Variants in CFAP221 observed in about 807,000 individuals in gnomAD.
CFAP221 encodes cilia- and flagella-associated protein 221.
Under a neutral mutation model 113.1 loss-of-function variants are expected in CFAP221, and 97 were observed. The observed-to-expected ratio is 0.86, with a 90% confidence interval of 0.73 to 1.02. The LOEUF (loss-of-function observed/expected upper bound fraction) is 1.02, where lower values mean the gene tolerates loss of function less well. Ranked by LOEUF, CFAP221 falls within the 50% of genes least tolerant of loss-of-function variation. The pLI is 0.00. For missense variants in CFAP221, 1,025 were observed against 1,013.4 expected (o/e 1.01, Z -0.16); for synonymous variants, 331 against 354.4 (o/e 0.93, Z 0.74).
intron 14 of CFAP221, among the ~76,000 whole-genome samples, chr2:119,619,933 T>G (rs1414615598): frequency 6.6e-6 from 1 of 151,952 alleles, no homozygotes; most frequent in Non-Finnish European, 1.5e-5. Flanking sequence ...CACGAGAACT[T>G]CATGAAGAAT....
At position 119,619,918 on chromosome 2, in the gene CFAP221, C is replaced by A. The variant is rs533811835; in HGVS notation, c.1410+4209C>A. Among the ~76,000 whole-genome samples, 8 of 152,138 alleles carry A rather than the reference C, an allele frequency of 5.3e-5. 1 individual carries two copies. The South Asian group carries it at 1.5e-3, about 28-fold the overall frequency. On this transcript the variant is annotated intron_variant, in intron 14 of 23. Coordinates refer to ENST00000413369, the MANE Select transcript of CFAP221 (RefSeq NM_001271049.2). ...TAAATAACCTGATAGAGCTGAAAAA[C>A]ACAGCACGAGAACTTCATGAAGAAT... is the stretch of plus-strand genomic sequence containing the variant.
intron 8 of CFAP221, 96 bp downstream of exon 8, chr2:119,601,473 T>G (rs1558949847): frequency 2.5e-6 from 3 of 1,181,828 alleles, no homozygotes; most frequent in Non-Finnish European, 3.4e-6. Flanking sequence ...TAAAAGAATG[T>G]CATCAAAAAC....
chr2:119,615,524 G>A, intron 13 of CFAP221, 87 bp from the exon 14 acceptor site: 1 of 959,628 alleles, frequency 1.0e-6, no homozygotes, highest in Non-Finnish European at 1.5e-6. Context: ...ACTTGATTTG[G>A]GATCAAACTC....
At chr2:119,574,809 C>G (rs1329953035) in intron 6 of CFAP221, among the ~76,000 whole-genome samples, 2 of 152,206 alleles carry the variant, frequency 1.3e-5, no homozygotes, top group Non-Finnish European at 2.9e-5. Context: ...CCAACCCATT[C>G]ACTGAACTGA....
chr2:119,556,316 G>A (rs1680794945), intron 3 of CFAP221: 6 of 152,136 alleles, frequency 3.9e-5, no homozygotes, highest in Admixed American at 3.9e-4. Context: ...TTAAGCAGAA[G>A]CTGAACGTTT....
At chr2:119,650,955 C>G (rs1273533924) in intron 22 of CFAP221, among the ~76,000 whole-genome samples, 1 of 152,182 alleles carries the variant, frequency 6.6e-6, no homozygotes, top group East Asian at 1.9e-4. Context: ...CTTTGATGAT[C>G]TTGGAAGCAT....
chr2:119,659,519 T>A (rs1260861684), downstream of CFAP221, among the ~76,000 whole-genome samples: 1 of 152,282 alleles, frequency 6.6e-6, no homozygotes, highest in East Asian at 1.9e-4. Flanking sequence ...TCCCAATCCA[T>A]CTCCATTCCG....
chr2:119,659,529 G>A (rs115886480), downstream of CFAP221, among the ~76,000 whole-genome samples: 2,258 of 150,852 alleles, frequency 0.015, no homozygotes, highest in African/African-American at 0.053. Flanking sequence ...TCTCCATTCC[G>A]CCATCTTGCT....
At chr2:119,561,407 C>G (rs77174886) in intron 5 of CFAP221, among the ~76,000 whole-genome samples, 1 of 152,168 alleles carries the variant, frequency 6.6e-6, no homozygotes, top group East Asian at 1.9e-4. Context: ...GGACACATTT[C>G]CTGTTACTAC....
chr2:119,608,278 ATGT>A (rs1684910008), intron 11 of CFAP221, among the ~76,000 whole-genome samples: 1 of 152,184 alleles, frequency 6.6e-6, no homozygotes, highest in Non-Finnish European at 1.5e-5. Context: ...GAGCATCCAG[ATGT>A]TGTTATTCAT....
intron 13 of CFAP221, among the ~76,000 whole-genome samples, chr2:119,614,328 T>A (rs1434245042): frequency 6.6e-6 from 1 of 152,240 alleles, no homozygotes; most frequent in Non-Finnish European, 1.5e-5. Flanking sequence ...CATTTTTGAG[T>A]ATTTTTATAG....
At chr2:119,646,828 A>T in intron 21 of CFAP221, 130 bp from the exon 22 acceptor site, 1 of 694,916 alleles carries the variant, frequency 1.4e-6, no homozygotes, top group Non-Finnish European at 2.2e-6. Context: ...ATGGCTTTTC[A>T]AGAGTGAGGG....
chr2:119,549,014 A>T, intron 2 of CFAP221, 71 bp from the exon 3 acceptor site: 2 of 1,042,264 alleles, frequency 1.9e-6, no homozygotes, highest in Non-Finnish European at 2.7e-6. Flanking sequence ...AAGCTATGTT[A>T]ATAAGGATCA....
chr2:119,571,133 C>CTTTTTTTT (rs34017847), intron 6 of CFAP221, among the ~76,000 whole-genome samples: 48 of 93,110 alleles, frequency 5.2e-4, no homozygotes, highest in Non-Finnish European at 7.5e-4. Flanking sequence ...TAACAACCCC[C>CTTTTTTTT]TTTTTTTTTT....
chr2:119,607,343 G>C (rs999954178), intron 11 of CFAP221, among the ~76,000 whole-genome samples: 5 of 152,128 alleles, frequency 3.3e-5, no homozygotes, highest in Admixed American at 6.5e-5. Context: ...CTGGGGTCCA[G>C]TCAAAGATCA....
At chr2:119,625,908 A>T in intron 15 of CFAP221, 1 of 537,272 alleles carries the variant, frequency 1.9e-6, no homozygotes, top group Non-Finnish European at 3.3e-6. Context: ...TGACTGGCTG[A>T]ATATGGTATT....
At chr2:119,603,270 G>A (rs531953777) in intron 8 of CFAP221, among the ~76,000 whole-genome samples, 1 of 152,194 alleles carries the variant, frequency 6.6e-6, no homozygotes, top group South Asian at 2.1e-4. Context: ...ATATTGTTTA[G>A]GAGGCTGCTT....
chr2:119,578,483 G>A (rs1478460572), intron 6 of CFAP221, among the ~76,000 whole-genome samples: 1 of 152,186 alleles, frequency 6.6e-6, no homozygotes, highest in African/African-American at 2.4e-5. Context: ...ATATCAATGA[G>A]CAGTTGACAA....
At chr2:119,647,087 G>A (rs757400741) in intron 22 of CFAP221, 37 bp downstream of exon 22, 2 of 1,554,186 alleles carry the variant, frequency 1.3e-6, no homozygotes, top group Admixed American at 3.6e-5. Flanking sequence ...CCTCTAATGT[G>A]GTCTGTTTTC....
Sources: gnomAD v4.1 joint callset for allele counts (sites outside exome capture counted in the v4.1 genomes callset) on GRCh38, gnomAD v4.1.1 for gene constraint, MANE v1.5 for transcripts, NCBI Gene and HGNC (gene_info 2026-07-23, HGNC 2026-07-21) for gene names.